Variants in ADGRF5 observed in about 807,000 individuals in gnomAD.
The protein encoded by ADGRF5 is adhesion G protein-coupled receptor F5, also known as G-protein coupled receptor 116.
A neutral mutation model predicts 132.3 loss-of-function variants in ADGRF5; 75 were observed. That is an observed-to-expected ratio of 0.57 (90% CI 0.47 to 0.69). ADGRF5 has a LOEUF of 0.69. Ranked by LOEUF, ADGRF5 falls within the 30% of genes least tolerant of loss-of-function variation. The probability of loss-of-function intolerance (pLI) is 0.00; values close to 1 mark genes in which losing one functional copy is unlikely to be tolerated. For missense variants in ADGRF5, 1,516 were observed against 1,630.6 expected (o/e 0.93, Z 1.21); for synonymous variants, 629 against 597.6 (o/e 1.05, Z -0.77).
chr6:46,904,015 C>T (rs1321180356), intron 2 of ADGRF5, among the ~76,000 whole-genome samples: 1 of 152,200 alleles, frequency 6.6e-6, no homozygotes, highest in Admixed American at 6.5e-5. Flanking sequence ...TGGGCTTCCA[C>T]TCAGACCTGA....
At chr6:46,868,819 T>C in intron 12 of ADGRF5, 64 bp downstream of exon 12, 6 of 1,005,200 alleles carry the variant, frequency 6.0e-6, no homozygotes, top group Non-Finnish European at 4.6e-6. Context: ...ACACAGATGG[T>C]AACTATTATT....
intron 10 of ADGRF5, among the ~76,000 whole-genome samples, chr6:46,872,538 T>G (rs886814144): frequency 1.7e-4 from 26 of 152,206 alleles, no homozygotes; most frequent in Admixed American, 4.6e-4. Flanking sequence ...CTGATATTCA[T>G]CTTATTTGAG....
At chr6:46,935,043 G>A (rs1284817295) in intron 1 of ADGRF5, among the ~76,000 whole-genome samples, 3 of 108,738 alleles carry the variant, frequency 2.8e-5, no homozygotes, top group Non-Finnish European at 5.0e-5. Context: ...TTGCTCTGTT[G>A]CCCAGGCTGG....
chr6:46,870,965 T>C, intron 11 of ADGRF5: 1 of 247,068 alleles, frequency 4.0e-6, no homozygotes, highest in South Asian at 4.5e-5. Context: ...TGTAGATATA[T>C]GATTATTATA....
intron 1 of ADGRF5, among the ~76,000 whole-genome samples, chr6:46,953,773 T>G (rs1319118225): frequency 6.7e-6 from 1 of 148,604 alleles, no homozygotes; most frequent in Non-Finnish European, 1.5e-5. Context: ...AGGGAGACTG[T>G]ATTGAGGTAA....
intron 3 of ADGRF5, among the ~76,000 whole-genome samples, chr6:46,889,974 T>C (rs1773485325): frequency 6.6e-6 from 1 of 152,086 alleles, no homozygotes; most frequent in African/African-American, 2.4e-5. Flanking sequence ...TGAAACTCTC[T>C]GTCACTGACC....
intron 3 of ADGRF5, among the ~76,000 whole-genome samples, chr6:46,890,856 T>C (rs193220599): frequency 6.6e-6 from 1 of 152,328 alleles, no homozygotes; most frequent in East Asian, 1.9e-4. Flanking sequence ...AATTTTCCCA[T>C]AATATTTCAA....
At chr6:46,917,960 C>A (rs1387506673) in intron 1 of ADGRF5, among the ~76,000 whole-genome samples, 1 of 152,258 alleles carries the variant, frequency 6.6e-6, no homozygotes, top group Non-Finnish European at 1.5e-5. Flanking sequence ...CTGTAACTTG[C>A]TTTCCACTAA....
intron 1 of ADGRF5, among the ~76,000 whole-genome samples, chr6:46,953,492 C>T (rs923031427): frequency 3.1e-4 from 47 of 151,342 alleles, no homozygotes; most frequent in Non-Finnish European, 3.8e-4. Flanking sequence ...CGTGGTGGTG[C>T]GTGCCTGTAG....
At chr6:46,947,027 G>T (rs1197792917) in intron 1 of ADGRF5, among the ~76,000 whole-genome samples, 1 of 152,192 alleles carries the variant, frequency 6.6e-6, no homozygotes, top group Non-Finnish European at 1.5e-5. Flanking sequence ...AACACGTTGA[G>T]TTTGTGTGTT....
At chr6:46,950,581 C>G (rs1051020587) in intron 1 of ADGRF5, among the ~76,000 whole-genome samples, 2 of 152,174 alleles carry the variant, frequency 1.3e-5, no homozygotes, top group African/African-American at 2.4e-5. Context: ...GTGGCACAAT[C>G]TCAGCTCACT....
chr6:46,911,711 A>G (rs1775967846), intron 1 of ADGRF5, among the ~76,000 whole-genome samples: 2 of 152,094 alleles, frequency 1.3e-5, no homozygotes, highest in African/African-American at 4.8e-5. Context: ...AAGTAAATCT[A>G]TTTATTCCCT....
At chr6:46,945,124 G>T (rs1582083121) in intron 1 of ADGRF5, among the ~76,000 whole-genome samples, 1 of 152,182 alleles carries the variant, frequency 6.6e-6, no homozygotes, top group Non-Finnish European at 1.5e-5. Context: ...GCATGAATAT[G>T]CAGTGTCACT....
chr6:46,888,067 C>A, intron 4 of ADGRF5: 1 of 294,300 alleles, frequency 3.4e-6, no homozygotes, highest in Non-Finnish European at 6.0e-6. Context: ...AAGGACCTGG[C>A]CATATCTTGG....
At chr6:46,920,722 G>A (rs1776855446) in intron 1 of ADGRF5, among the ~76,000 whole-genome samples, 1 of 152,030 alleles carries the variant, frequency 6.6e-6, no homozygotes, top group African/African-American at 2.4e-5. Flanking sequence ...AATTAGCAGG[G>A]TGTGGTGGCG....
At chr6:46,900,302 T>C (rs75969103) in intron 2 of ADGRF5, among the ~76,000 whole-genome samples, 1 of 152,112 alleles carries the variant, frequency 6.6e-6, no homozygotes, top group Non-Finnish European at 1.5e-5. Context: ...CATTTTTTTT[T>C]AGACCAGCCT....
intron 1 of ADGRF5, among the ~76,000 whole-genome samples, chr6:46,944,094 G>C (rs891822885): frequency 1.3e-5 from 2 of 152,118 alleles, no homozygotes; most frequent in Admixed American, 1.3e-4. Context: ...CTAAGGCAGT[G>C]GTCTCCATCC....
chr6:46,929,024 T>C (rs1777399895), intron 1 of ADGRF5, among the ~76,000 whole-genome samples: 1 of 152,174 alleles, frequency 6.6e-6, no homozygotes, highest in South Asian at 2.1e-4. Flanking sequence ...ATCATGCTGC[T>C]ATAAAGACAC....
chr6:46,943,508 C>T (rs1158638402), intron 1 of ADGRF5, among the ~76,000 whole-genome samples: 1 of 152,174 alleles, frequency 6.6e-6, no homozygotes, highest in African/African-American at 2.4e-5. Context: ...GATACTATTG[C>T]TATTTTTAAT....
Sources: gnomAD v4.1 joint callset for allele counts (sites outside exome capture counted in the v4.1 genomes callset) on GRCh38, gnomAD v4.1.1 for gene constraint, MANE v1.5 for transcripts, NCBI Gene and HGNC (gene_info 2026-07-23, HGNC 2026-07-21) for gene names.